Variants in SEC24D observed in about 807,000 individuals in gnomAD.
SEC24D encodes the protein protein transport protein Sec24D.
In SEC24D, 69 loss-of-function variants were observed where a neutral mutation model predicts 116.9. That is an observed-to-expected ratio of 0.59 (90% CI 0.49 to 0.72). The LOEUF is 0.72. Ranked by LOEUF, SEC24D falls within the 30% of genes least tolerant of loss-of-function variation. The pLI, the probability that SEC24D is intolerant of heterozygous loss-of-function variation, is 0.00. For synonymous variants in SEC24D, 405 were observed against 442.8 expected, an observed-to-expected ratio of 0.91 and a Z score of 1.07; for missense variants, 1,131 against 1,264.1, an observed-to-expected ratio of 0.89 and a Z score of 1.60.
intron 15 of SEC24D, 71 bp downstream of exon 15, chr4:118,743,917 A>G: frequency 7.3e-7 from 1 of 1,371,866 alleles, no homozygotes; most frequent in Non-Finnish European, 9.8e-7. Context: ...ACAGCTTTTT[A>G]AACCTATAAT....
rs145788824 is a variant in SEC24D, at chr4:118,769,150, G to A, written c.1042-839C>T. 7.6e-4 allele frequency among the ~76,000 whole-genome samples: 116 copies of A among 152,194 alleles called. 1 individual carries two copies. The highest frequency in any genetic ancestry group is 6.0e-3 in the Admixed American group (92 of 15,278). On this transcript the variant is annotated intron_variant, in intron 8 of 22. Transcript: ENST00000280551. ...TAATGTTCATTTATTTAGGCAAGGC[G>A]GTCGATTCTACCTTTTCTGTTAGTT...
At chr4:118,741,811 A>G (rs746826659) in intron 15 of SEC24D, among the ~76,000 whole-genome samples, 2 of 152,132 alleles carry the variant, frequency 1.3e-5, no homozygotes, top group Admixed American at 6.6e-5. Context: ...CTTACATACA[A>G]CTGGGTGGTG....
Position 118,805,982 on chromosome 4 carries a change from T to C in SEC24D, c.802-28A>G, listed in dbSNP as rs755698415. The stretch of plus-strand genomic sequence containing the variant: ...GATAAATAAGACATCAAGAGCCCGT[T>C]AAAGTAGGTTCCAGTTCTTCCCAAC... On this transcript the variant is annotated intron_variant, in intron 6 of 22. Coordinates refer to ENST00000280551, the MANE Select transcript of SEC24D (RefSeq NM_014822.4). 35 of 1,450,760 alleles carry C rather than the reference T, an allele frequency of 2.4e-5. No homozygotes were observed. In the East Asian group the frequency reaches 6.2e-4, roughly 26 times the overall value. The allele number at this position is 1,450,760 out of a possible 1,614,324, so 89.9% of individuals were successfully genotyped here.
At chr4:118,802,172 C>T (rs943828332) in intron 7 of SEC24D, among the ~76,000 whole-genome samples, 1 of 152,010 alleles carries the variant, frequency 6.6e-6, no homozygotes, top group African/African-American at 2.4e-5. Flanking sequence ...CCAGAATTGA[C>T]CACACGAAGG....
intron 6 of SEC24D, among the ~76,000 whole-genome samples, chr4:118,808,142 G>A (rs1729753210): frequency 6.6e-6 from 1 of 152,066 alleles, no homozygotes; most frequent in African/African-American, 2.4e-5. Flanking sequence ...TAAATTTTTT[G>A]TAGAGATGGG....
rs780483083 is a variant in SEC24D, at chr4:118,815,638, G to A, written c.486C>T (p.Ser162=). ...GAACTTGAGATCCAGGCTGCAAAAT[G>A]GAAGGCTGTGGAGGTCGTGGAGGAG... ...LQTPPRPPQP[S]ILQPGSQVLP... The change falls in exon 5 of 23, where the codon TCC becomes TCT. Residue 162 remains serine, a synonymous_variant. Coordinates refer to ENST00000280551, the MANE Select transcript of SEC24D (RefSeq NM_014822.4). 1 of 1,614,210 alleles carries A rather than the reference G, an allele frequency of 6.2e-7. No individual in the cohort carries two copies. The highest frequency in any genetic ancestry group is 8.5e-7 in the Non-Finnish European group (1 of 1,180,032).
chr4:118,820,786 T>C (rs1730368752), intron 3 of SEC24D, among the ~76,000 whole-genome samples: 1 of 152,180 alleles, frequency 6.6e-6, no homozygotes, highest in South Asian at 2.1e-4. Flanking sequence ...ATTATATATT[T>C]TAATTTATGG....
intron 6 of SEC24D, among the ~76,000 whole-genome samples, chr4:118,810,119 T>TGTGTGC (rs1729849981): frequency 6.8e-6 from 1 of 147,030 alleles, no homozygotes; most frequent in Non-Finnish European, 1.5e-5. Context: ...TGTGTGTGTG[T>TGTGTGC]GTGTGTGTGT....
intron 2 of SEC24D, among the ~76,000 whole-genome samples, chr4:118,831,838 G>T (rs552226321): frequency 6.6e-6 from 1 of 152,126 alleles, no homozygotes; most frequent in African/African-American, 2.4e-5. Context: ...TAGTGAAGAT[G>T]GAACATGGAG....
chr4:118,804,885 TACACACACACACACAC>T (rs71954957), intron 7 of SEC24D, among the ~76,000 whole-genome samples: 34 of 141,002 alleles, frequency 2.4e-4, no homozygotes, highest in Middle Eastern at 3.6e-3. Context: ...TATGCATGCA[TACACACACACACACAC>T]ACACACACAC....
At chr4:118,809,297 A>G (rs1729805809) in intron 6 of SEC24D, among the ~76,000 whole-genome samples, 2 of 152,186 alleles carry the variant, frequency 1.3e-5, no homozygotes, top group Admixed American at 1.3e-4. Context: ...ACTTCTGAAT[A>G]ATCCTCTTAT....
intron 6 of SEC24D, among the ~76,000 whole-genome samples, chr4:118,813,964 A>AT (rs1032169231): frequency 6.6e-6 from 1 of 152,228 alleles, no homozygotes; most frequent in Non-Finnish European, 1.5e-5. Context: ...CCACTGGGTC[A>AT]TGAGTATTAA....
At chr4:118,794,583 T>C (rs773403659) in intron 8 of SEC24D, among the ~76,000 whole-genome samples, 6 of 152,212 alleles carry the variant, frequency 3.9e-5, no homozygotes, top group Non-Finnish European at 7.3e-5. Context: ...AGAAGTATCT[T>C]CTGTTTATGA....
At chr4:118,731,237 A>G (rs1725668547) in intron 21 of SEC24D, 79 bp downstream of exon 21, 7 of 1,155,782 alleles carry the variant, frequency 6.1e-6, no homozygotes, top group Non-Finnish European at 8.9e-6. Context: ...TTTCTGTAAT[A>G]TTTGACTGCA....
intron 21 of SEC24D, 32 bp from the exon 22 acceptor site, chr4:118,728,682 A>G: frequency 7.9e-7 from 1 of 1,262,502 alleles, no homozygotes; most frequent in Non-Finnish European, 1.1e-6. Context: ...GTTTTAGTAC[A>G]GTTTATAACA....
intron 3 of SEC24D, among the ~76,000 whole-genome samples, chr4:118,822,635 G>C (rs1203382823): frequency 6.6e-6 from 1 of 152,064 alleles, no homozygotes. Context: ...ATAATAGCAT[G>C]AACACAGCTC....
intron 6 of SEC24D, among the ~76,000 whole-genome samples, chr4:118,812,346 T>G (rs1350540303): frequency 6.6e-6 from 1 of 152,072 alleles, no homozygotes; most frequent in Non-Finnish European, 1.5e-5. Flanking sequence ...TCTACCCCCA[T>G]GGACCTAGGT....
chr4:118,825,496 G>A (rs1169992336), intron 2 of SEC24D: 1 of 446,300 alleles, frequency 2.2e-6, no homozygotes, highest in Non-Finnish European at 4.5e-6. Flanking sequence ...TTCTTCTTGA[G>A]AAATTGCAGT....
intron 8 of SEC24D, among the ~76,000 whole-genome samples, chr4:118,770,201 T>C (rs1160067533): frequency 6.6e-6 from 1 of 152,168 alleles, no homozygotes; most frequent in African/African-American, 2.4e-5. Context: ...TACAAATTCA[T>C]ATATCTGATG....
Sources: allele counts gnomAD v4.1 joint callset (sites outside exome capture counted in the v4.1 genomes callset), GRCh38; gene constraint gnomAD v4.1.1; transcripts MANE v1.5; gene names NCBI Gene and HGNC (gene_info 2026-07-23, HGNC 2026-07-21).